The following CDK14 variants were observed in gnomAD, a reference collection of about 807,000 sequenced individuals.
The protein encoded by CDK14 is cyclin dependent kinase 14.
Under a neutral mutation model 60.7 loss-of-function variants are expected in CDK14, and 34 were observed. That is an observed-to-expected ratio of 0.56 (90% CI 0.43 to 0.75). The LOEUF (loss-of-function observed/expected upper bound fraction) is 0.75. Ranked by LOEUF, CDK14 falls within the 30% of genes least tolerant of loss-of-function variation. The pLI is 0.00. For synonymous variants in CDK14, 197 were observed against 203.7 expected (o/e 0.97, Z 0.28); for missense variants, 482 against 564.1 (o/e 0.85, Z 1.47).
intron 6 of CDK14, among the ~76,000 whole-genome samples, chr7:90,881,856 G>A (rs971162772): frequency 2.2e-4 from 34 of 152,078 alleles, no homozygotes; most frequent in African/African-American, 7.7e-4. Context: ...AAGCAAAGAA[G>A]AAATAAAATC....
intron 8 of CDK14, among the ~76,000 whole-genome samples, chr7:90,945,983 A>T (rs1216198628): frequency 6.6e-6 from 1 of 152,178 alleles, no homozygotes; most frequent in Non-Finnish European, 1.5e-5. Context: ...ACCAGTTAAT[A>T]GGCTCAAGAC....
At chr7:90,836,179 T>C (rs1308527090) in intron 5 of CDK14, among the ~76,000 whole-genome samples, 2 of 152,182 alleles carry the variant, frequency 1.3e-5, no homozygotes, top group Non-Finnish European at 2.9e-5. Context: ...TTTTCTTCAA[T>C]AATAACCTTA....
chr7:91,039,727 T>C (rs1275828386), intron 10 of CDK14, among the ~76,000 whole-genome samples: 1 of 152,174 alleles, frequency 6.6e-6, no homozygotes, highest in Non-Finnish European at 1.5e-5. Flanking sequence ...ACTTGCATCT[T>C]TCCCCTTCCC....
At chr7:90,813,644 G>A (rs1011656119) in intron 5 of CDK14, among the ~76,000 whole-genome samples, 2 of 152,106 alleles carry the variant, frequency 1.3e-5, no homozygotes, top group Admixed American at 6.5e-5. Flanking sequence ...AGCTACTTGG[G>A]AGGCTGAGAC....
intron 6 of CDK14, among the ~76,000 whole-genome samples, chr7:90,885,767 G>T (rs946465170): frequency 6.6e-6 from 1 of 152,134 alleles, no homozygotes; most frequent in East Asian, 1.9e-4. Context: ...CCTTTGCAGG[G>T]ATATGGATGA....
At chr7:91,143,581 C>A (rs769768535) in intron 14 of CDK14, among the ~76,000 whole-genome samples, 6 of 151,888 alleles carry the variant, frequency 4.0e-5, no homozygotes, top group Non-Finnish European at 7.4e-5. Context: ...ATTAGCCAGG[C>A]GTGGTAGTGC....
intron 10 of CDK14, among the ~76,000 whole-genome samples, chr7:91,010,575 T>C (rs1264390173): frequency 6.6e-6 from 1 of 152,028 alleles, no homozygotes; most frequent in East Asian, 1.9e-4. Context: ...ATGAAATTGG[T>C]TTTTTTATAT....
intron 5 of CDK14, among the ~76,000 whole-genome samples, chr7:90,797,665 C>G (rs1788487421): frequency 6.6e-6 from 1 of 151,904 alleles, no homozygotes; most frequent in African/African-American, 2.4e-5. Flanking sequence ...AGAAGCACAG[C>G]ATCTTCTGGA....
At chr7:90,610,370 C>T (rs1173520795) in intron 2 of CDK14, among the ~76,000 whole-genome samples, 2 of 152,204 alleles carry the variant, frequency 1.3e-5, no homozygotes, top group East Asian at 1.9e-4. Context: ...GAACGTCAGG[C>T]AACTGTGGAC....
chr7:90,725,467 T>C lies in CDK14; in HGVS notation c.124-1100T>C, dbSNP rs553793674. Among the ~76,000 whole-genome samples the C allele has an allele frequency of 3.9e-5, 6 of 152,266 alleles. No homozygotes were observed. The East Asian group carries it at 7.7e-4, about 20-fold the overall frequency. ...CATATTAGCTCTGTGTATCTGTGGG[T>C]TCTGTATGCACATACTCAACCAACC... is the stretch of plus-strand genomic sequence containing the variant. On this transcript the variant is annotated intron_variant, in intron 2 of 14. Transcript: ENST00000380050.
rs555676541 is a variant in CDK14 at position 90,649,938 on chromosome 7, T to C, written c.123+45689T>C. 2.0e-5 allele frequency among the ~76,000 whole-genome samples: 3 copies of C among 152,306 alleles called. No homozygotes were observed. In the East Asian group the frequency reaches 5.8e-4, roughly 29 times the overall value. ...AAACATACATATGCATGTGTCTTTA[T>C]AGTAGCATGATTTATAATCCTTTGG... On this transcript the variant is annotated intron_variant, in intron 2 of 14. Transcript: ENST00000380050.
chr7:91,168,637 C>T (rs1427824862), intron 14 of CDK14, among the ~76,000 whole-genome samples: 1 of 152,188 alleles, frequency 6.6e-6, no homozygotes, highest in African/African-American at 2.4e-5. Flanking sequence ...TTCTATTTTA[C>T]ATGTAGACCA....
intron 5 of CDK14, among the ~76,000 whole-genome samples, chr7:90,848,591 T>C (rs1422932751): frequency 6.6e-6 from 1 of 152,204 alleles, no homozygotes; most frequent in Non-Finnish European, 1.5e-5. Flanking sequence ...TACTTGACTT[T>C]TTTTCTAAGC....
intron 2 of CDK14, among the ~76,000 whole-genome samples, chr7:90,651,579 G>T (rs1426284272): frequency 6.6e-6 from 1 of 152,044 alleles, no homozygotes; most frequent in African/African-American, 2.4e-5. Flanking sequence ...AATGTGTGAG[G>T]CTTCTGCTTT....
At chr7:90,722,074 A>G (rs140062220) in intron 2 of CDK14, among the ~76,000 whole-genome samples, 5 of 151,846 alleles carry the variant, frequency 3.3e-5, no homozygotes, top group Admixed American at 2.6e-4. Context: ...ACTTAAATTT[A>G]TTCTAAGAGC....
intron 5 of CDK14, among the ~76,000 whole-genome samples, chr7:90,810,182 G>C (rs954531925): frequency 4.6e-5 from 7 of 152,140 alleles, no homozygotes; most frequent in Admixed American, 4.6e-4. Flanking sequence ...GAGAATTTTA[G>C]ACCAATATCC....
intron 9 of CDK14, among the ~76,000 whole-genome samples, chr7:90,958,310 C>A: frequency 6.6e-6 from 1 of 152,036 alleles, no homozygotes; most frequent in East Asian, 1.9e-4. Flanking sequence ...TACATGAGAA[C>A]GTATTTATTT....
At chr7:90,896,360 T>C (rs1792337641) in intron 6 of CDK14, among the ~76,000 whole-genome samples, 1 of 152,146 alleles carries the variant, frequency 6.6e-6, no homozygotes, top group Non-Finnish European at 1.5e-5. Context: ...CTTTCTTCCT[T>C]ATTTTCCTCC....
At chr7:90,851,193 C>T in intron 5 of CDK14, among the ~76,000 whole-genome samples, 1 of 152,134 alleles carries the variant, frequency 6.6e-6, no homozygotes, top group East Asian at 1.9e-4. Context: ...TTATTGTCCT[C>T]AATGGTCAAA....
Sources: allele counts gnomAD v4.1 joint callset (sites outside exome capture counted in the v4.1 genomes callset), GRCh38; gene constraint gnomAD v4.1.1; transcripts MANE v1.5; gene names NCBI Gene and HGNC (gene_info 2026-07-23, HGNC 2026-07-21).